STK32B: variants seen among roughly 807,000 people sequenced by gnomAD.
STK32B encodes serine/threonine-protein kinase 32B.
In STK32B, 43 loss-of-function variants were observed where a neutral mutation model predicts 52.6. The observed-to-expected ratio is 0.82, with a 90% CI of 0.64 to 1.05. The LOEUF is 1.05. Ranked by LOEUF, STK32B falls within the 50% of genes least tolerant of loss-of-function variation. The pLI, the probability that STK32B is intolerant of heterozygous loss-of-function variation, is 0.00. For synonymous variants in STK32B, 238 were observed against 204.3 expected (o/e 1.17, Z -1.41); for missense variants, 621 against 534.6 (o/e 1.16, Z -1.59).
chr4:5,310,552 ATG>A (rs937841895), intron 3 of STK32B, among the ~76,000 whole-genome samples: 1 of 152,172 alleles, frequency 6.6e-6, no homozygotes, highest in Admixed American at 6.5e-5. Context: ...GCTGGCAAGG[ATG>A]TGGAGAAAAG....
At chr4:5,486,368 G>A (rs761680400) in intron 11 of STK32B, among the ~76,000 whole-genome samples, 8 of 152,220 alleles carry the variant, frequency 5.3e-5, no homozygotes, top group Non-Finnish European at 1.2e-4. Context: ...GGCTCCGTGG[G>A]TGTAGGATCC....
At position 5,401,735 on chromosome 4, in the gene STK32B, T is replaced by C. The variant is rs111340636; in HGVS notation, c.472+3491T>C. On this transcript the variant is annotated intron_variant, in intron 5 of 11. Transcript: ENST00000282908. Reference sequence around the variant, plus strand: ...CAAGACAATGGGGAATTTAAAGACATAGAGGGAGGGGGGAAGCAATTGTAT... The same window carrying C: ...CAAGACAATGGGGAATTTAAAGACACAGAGGGAGGGGGGAAGCAATTGTAT... Among the ~76,000 whole-genome samples the C allele has an allele frequency of 5.2e-3, 795 of 152,196 alleles. 5 individuals are homozygous for C. The highest frequency in any genetic ancestry group is 0.017 in the African/African-American group (699 of 41,520).
chr4:5,119,697 G>T (rs1274410540), intron 1 of STK32B, among the ~76,000 whole-genome samples: 1 of 152,156 alleles, frequency 6.6e-6, no homozygotes, highest in Non-Finnish European at 1.5e-5. Flanking sequence ...ATTAAATAAG[G>T]ACACTTTTAG....
At chr4:5,374,278 A>G (rs1422494994) in intron 4 of STK32B, among the ~76,000 whole-genome samples, 1 of 152,224 alleles carries the variant, frequency 6.6e-6, no homozygotes, top group African/African-American at 2.4e-5. Flanking sequence ...CTAATTCTCT[A>G]TCTTCATGAT....
At chr4:5,478,215 G>C (rs909086274) in intron 11 of STK32B, among the ~76,000 whole-genome samples, 1 of 152,162 alleles carries the variant, frequency 6.6e-6, no homozygotes, top group Non-Finnish European at 1.5e-5. Context: ...ATGAGAAGTT[G>C]TGGAATGAAG....
intron 3 of STK32B, among the ~76,000 whole-genome samples, chr4:5,259,461 A>T (rs1328131295): frequency 6.6e-6 from 1 of 152,126 alleles, no homozygotes; most frequent in Non-Finnish European, 1.5e-5. Flanking sequence ...TCTGCCACCT[A>T]TTGACTATGG....
chr4:5,184,942 G>A (rs1480214378), intron 3 of STK32B, among the ~76,000 whole-genome samples: 2 of 152,236 alleles, frequency 1.3e-5, no homozygotes, highest in Non-Finnish European at 2.9e-5. Context: ...GCGTGCCTGT[G>A]TTAGCACTTG....
chr4:5,312,246 G>A (rs1005575942), intron 3 of STK32B, among the ~76,000 whole-genome samples: 17 of 138,850 alleles, frequency 1.2e-4, no homozygotes, highest in African/African-American at 4.1e-4. Context: ...TGGTTTTACC[G>A]CTTACGTTTA....
intron 7 of STK32B, chr4:5,447,461 C>G (rs923505863): frequency 6.6e-6 from 1 of 151,994 alleles, no homozygotes; most frequent in South Asian, 2.1e-4. Context: ...AATTACATCT[C>G]TACAAATAAT....
chr4:5,082,240 T>G (rs1432525745), intron 1 of STK32B, among the ~76,000 whole-genome samples: 1 of 152,242 alleles, frequency 6.6e-6, no homozygotes, highest in East Asian at 1.9e-4. Context: ...TTCTCAAGTT[T>G]TTGTGACTTT....
At chr4:5,156,079 A>C (rs543870079) in intron 2 of STK32B, among the ~76,000 whole-genome samples, 1 of 151,912 alleles carries the variant, frequency 6.6e-6, no homozygotes, top group Non-Finnish European at 1.5e-5. Flanking sequence ...ATAGATACAC[A>C]TACATGTATA....
chr4:5,199,607 T>C (rs945769845), intron 3 of STK32B, among the ~76,000 whole-genome samples: 2 of 152,214 alleles, frequency 1.3e-5, no homozygotes. Context: ...CTCTTTGGTT[T>C]TCTAATTTGA....
rs117587340 is a variant in STK32B at position 5,122,463 on chromosome 4, T to G, written c.53-17442T>G. ...CTCATTCACTCACTTATCCATTCAG[T>G]TGTTAACTCCTTCACTCATTCATTC... On this transcript the variant is annotated intron_variant, in intron 1 of 11. Transcript: ENST00000282908. Among the ~76,000 whole-genome samples the G allele has an allele frequency of 3.1e-4, 47 of 152,202 alleles. No individual in the cohort carries two copies. The East Asian group carries it at 8.7e-3, about 28-fold the overall frequency.
At chr4:5,314,655 A>T (rs1730543784) in intron 3 of STK32B, among the ~76,000 whole-genome samples, 1 of 152,096 alleles carries the variant, frequency 6.6e-6, no homozygotes, top group African/African-American at 2.4e-5. Context: ...GGGTGATAAG[A>T]GCAAGACTCC....
chr4:5,165,308 A>C (rs549780019), intron 2 of STK32B, among the ~76,000 whole-genome samples: 4 of 152,240 alleles, frequency 2.6e-5, no homozygotes, highest in African/African-American at 9.6e-5. Context: ...TGAAAAGTCA[A>C]ACTTCCAAGC....
chr4:5,407,975 C>T (rs537440796), intron 5 of STK32B, among the ~76,000 whole-genome samples: 1 of 152,114 alleles, frequency 6.6e-6, no homozygotes, highest in Non-Finnish European at 1.5e-5. Flanking sequence ...ACCCTTTCCA[C>T]CATGTGAGAA....
At chr4:5,455,070 A>G (rs1716375829) in intron 7 of STK32B, among the ~76,000 whole-genome samples, 1 of 152,138 alleles carries the variant, frequency 6.6e-6, no homozygotes. Context: ...GCCACTCAGG[A>G]AAAAAAGCTC....
intron 3 of STK32B, among the ~76,000 whole-genome samples, chr4:5,328,394 G>C (rs1483347957): frequency 6.6e-6 from 1 of 152,182 alleles, no homozygotes; most frequent in Non-Finnish European, 1.5e-5. Context: ...ACTGAGAGAT[G>C]TGTGATTCTT....
chr4:5,237,597 C>CT, intron 3 of STK32B, among the ~76,000 whole-genome samples: 1 of 152,196 alleles, frequency 6.6e-6, no homozygotes, highest in East Asian at 1.9e-4. Context: ...AGGGAAATGA[C>CT]TTATTAAAAA....
Sources: allele counts gnomAD v4.1 joint callset (sites outside exome capture counted in the v4.1 genomes callset), GRCh38; gene constraint gnomAD v4.1.1; transcripts MANE v1.5; gene names NCBI Gene and HGNC (gene_info 2026-07-23, HGNC 2026-07-21).